Variants in KASH5 observed in about 807,000 individuals in gnomAD.
KASH5 encodes protein KASH5.
A neutral mutation model predicts 84.2 loss-of-function variants in KASH5; 72 were observed. The observed-to-expected ratio is 0.85, with a 90% CI of 0.71 to 1.04. The LOEUF is 1.04. Ranked by LOEUF, KASH5 falls within the 50% of genes least tolerant of loss-of-function variation. The pLI is 0.00. For synonymous variants in KASH5, 260 were observed against 279.1 expected, an observed-to-expected ratio of 0.93 and a Z score of 0.68; for missense variants, 650 against 701.0, an observed-to-expected ratio of 0.93 and a Z score of 0.82.
chr19:49,407,304 GC>G lies in KASH5; in HGVS notation c.933+12del, dbSNP rs1974558166. 1.2e-6 allele frequency: 2 copies of G among 1,613,642 alleles called. No individual in the cohort carries two copies. The highest frequency in any genetic ancestry group is 1.7e-5 in the Admixed American group (1 of 59,966). ...GACACCATCCTCTCTGAGGTAAGGG[GC>G]CCCGGGAGGGAAAGAGATTCGCTTT... On this transcript the variant is annotated intron_variant, in intron 11 of 19. Coordinates refer to ENST00000447857, the MANE Select transcript of KASH5 (RefSeq NM_144688.5).
chr19:49,414,189 G>A lies in KASH5; in HGVS notation c.1329-762G>A, dbSNP rs996258514. On this transcript the variant is annotated intron_variant, in intron 16 of 19. Coordinates refer to ENST00000447857, the MANE Select transcript of KASH5 (RefSeq NM_144688.5). The surrounding 1 kb of genome is among the most constrained non-coding windows in gnomAD (Gnocchi z 4.5). ...CAGATCTCCTCCTAGACCGAGACTC[G>A]CTGAGGGAAGGGTCAGGTCTCATCT... Among the ~76,000 whole-genome samples, 22 of 152,088 alleles carry A rather than the reference G, an allele frequency of 1.4e-4. No homozygotes were observed. The highest frequency in any genetic ancestry group is 4.6e-4 in the African/African-American group (19 of 41,390).
chr19:49,417,465 C>G lies in KASH5; in HGVS notation c.1644C>G (p.Thr548=). 1.3e-6 allele frequency: 2 copies of G among 1,553,614 alleles called. No homozygotes were observed. Among genetic ancestry groups the G allele is most frequent in the Non-Finnish European group, 1.7e-6 (2 of 1,148,790 alleles). ...VLLLGPSPPP[T]WPHLQLCYLQ... is the part of the protein sequence containing the mutation. The stretch of plus-strand genomic sequence containing the variant: ...TGCTTGGCCCGTCCCCACCTCCCAC[C>G]TGGCCCCACCTCCAGCTCTGCTACC... Residue 548 remains threonine (T), a synonymous_variant, in exon 20 of 20, where the codon ACC becomes ACG. Coordinates refer to ENST00000447857, the MANE Select transcript of KASH5 (RefSeq NM_144688.5). The surrounding 1 kb of genome is among the most constrained non-coding windows in gnomAD (Gnocchi z 5.2).
chr19:49,398,922 C>G, intron 7 of KASH5, 103 bp from the exon 8 acceptor site: 1 of 866,826 alleles, frequency 1.2e-6, no homozygotes, highest in South Asian at 1.6e-5. Flanking sequence ...CTGCCTACCA[C>G]CTGGGATCTC....
chr19:49,401,029 C>G (rs1374448225), intron 9 of KASH5, among the ~76,000 whole-genome samples: 1 of 152,212 alleles, frequency 6.6e-6, no homozygotes, highest in Non-Finnish European at 1.5e-5. Context: ...CTCTGCTGTT[C>G]ATGAGATTGA....
intron 12 of KASH5, 132 bp from the exon 13 acceptor site, chr19:49,408,835 C>G (rs1053174939): frequency 2.0e-5 from 16 of 800,504 alleles, no homozygotes; most frequent in Non-Finnish European, 2.6e-5. Flanking sequence ...CCCCTTGTCC[C>G]TAGGCAGTAT....
At chr19:49,394,816 G>A (rs532521463) in intron 3 of KASH5, 43 of 588,218 alleles carry the variant, frequency 7.3e-5, no homozygotes, top group African/African-American at 4.6e-4. Flanking sequence ...TTTTGGGGTC[G>A]TGGGATAGGG....
At position 49,399,591 on chromosome 19, in the gene KASH5, C is replaced by A; in HGVS notation, c.798+84C>A. 6.4e-7 allele frequency: 1 copy of A among 1,552,526 alleles called. No individual in the cohort carries two copies. Among genetic ancestry groups the A allele is most frequent in the South Asian group, 1.2e-5 (1 of 84,198 alleles). ...ACCACTCCCTTCTGCCCCCAACACC[C>A]CAGCAGCCTGTCTTGGGGAGACCTC... On this transcript the variant is annotated intron_variant, in intron 9 of 19. Coordinates refer to ENST00000447857, the MANE Select transcript of KASH5 (RefSeq NM_144688.5). This position sits in a 1 kb window ranked among gnomAD's most constrained non-coding sequence, Gnocchi z 4.4.
At chr19:49,394,446 C>G (rs1356382369) in intron 2 of KASH5, 30 bp from the exon 3 acceptor site, 4 of 1,569,450 alleles carry the variant, frequency 2.5e-6, no homozygotes, top group African/African-American at 1.4e-5. Context: ...ATTCTTCCCA[C>G]TGGTGAGCTG....
intron 5 of KASH5, 68 bp from the exon 6 acceptor site, chr19:49,397,583 G>T: frequency 6.8e-7 from 1 of 1,462,152 alleles, no homozygotes; most frequent in Non-Finnish European, 9.6e-7. Context: ...TCCAACCTCA[G>T]AGCCCTGGGG....
At chr19:49,408,064 T>G (rs935714987) in intron 12 of KASH5, among the ~76,000 whole-genome samples, 1 of 152,122 alleles carries the variant, frequency 6.6e-6, no homozygotes, top group East Asian at 1.9e-4. Context: ...TACAGGTGCA[T>G]GCCAGCATGC....
intron 15 of KASH5, among the ~76,000 whole-genome samples, chr19:49,410,093 G>A (rs1974663089): frequency 6.6e-6 from 1 of 152,234 alleles, no homozygotes; most frequent in Non-Finnish European, 1.5e-5. Context: ...AGACAAAGGT[G>A]AACCAAGCAA....
At chr19:49,391,195 G>A (rs774052158) in intron 2 of KASH5, among the ~76,000 whole-genome samples, 2 of 152,132 alleles carry the variant, frequency 1.3e-5, no homozygotes, top group East Asian at 1.9e-4. Context: ...TTCAGATCGC[G>A]GCCCAGATGG....
In KASH5 at chr19:49,394,850, C is replaced by T. The variant is rs1001073015; in HGVS notation, c.149-256C>T. On this transcript the variant is annotated intron_variant, in intron 3 of 19. Transcript: ENST00000447857. The stretch of plus-strand genomic sequence containing the variant: ...GGGAGGGAGGCAGCCACCATGGTGG[C>T]GTGGGGCATGGCTGATGCTGTCCCT... 1.7e-5 allele frequency: 10 copies of T among 585,722 alleles called. No individual in the cohort carries two copies. The South Asian group carries it at 2.0e-4, about 11-fold the overall frequency. 36.3% of individuals were successfully genotyped at this position (585,722 alleles called of 1,614,324 possible).
chr19:49,394,558 A>C lies in KASH5; in HGVS notation c.126A>C (p.Glu42Asp), dbSNP rs753540489. Residue 42 changes from glutamate to aspartate, a missense_variant, in exon 3 of 20, where the codon GAA becomes GAC. Transcript: ENST00000447857. ...LEEQILNSTF[E>D]ACDPQRTGTV... ...AGCAAATACTCAACTCCACGTTCGA[A>C]GCTTGTGACCCTCAGAGGACAGGTG... The C allele has an allele frequency of 5.6e-6, 9 of 1,613,600 alleles. No homozygotes were observed. The highest frequency in any genetic ancestry group is 1.1e-5 in the South Asian group (1 of 91,066).
Position 49,417,368 on chromosome 19 carries a change from G to C in KASH5, c.1548-1G>C. The C allele has an allele frequency of 1.9e-6, 3 of 1,552,168 alleles. No individual in the cohort carries two copies. Among genetic ancestry groups the C allele is most frequent in the African/African-American group, 2.7e-5 (2 of 73,214 alleles). The stretch of plus-strand genomic sequence containing the variant: ...TAAATGCTCTCCCACCTCCCCACCA[G>C]AGTCACTCGACATCCACTGATCCCA... On this transcript the variant is annotated splice_acceptor_variant, in intron 19 of 19. Transcript: ENST00000447857. LOFTEE classifies it high-confidence loss of function. This position sits in a 1 kb window ranked among gnomAD's most constrained non-coding sequence, Gnocchi z 5.2.
Position 49,408,999 on chromosome 19 carries a change from G to A in KASH5, c.1026G>A (p.Glu342=), listed in dbSNP as rs769847162. Residue 342 remains glutamate (E), a synonymous_variant, in exon 13 of 20, where the codon GAG becomes GAA. Transcript: ENST00000447857. ...ELRLEISRLE[E]QLSQTYEGPD... ...GGCTGGAGATTTCACGCCTGGAGGA[G>A]CAGCTGAGTCAGACCTATGAGGGGC... 2 of 1,593,088 alleles carry A rather than the reference G, an allele frequency of 1.3e-6. No homozygotes were observed. Among genetic ancestry groups the A allele is most frequent in the Non-Finnish European group, 1.7e-6 (2 of 1,169,964 alleles).
chr19:49,398,765 C>G (rs557022699), intron 7 of KASH5, among the ~76,000 whole-genome samples: 2 of 152,262 alleles, frequency 1.3e-5, no homozygotes, highest in South Asian at 4.1e-4. Context: ...ATCGTGGTCT[C>G]CCTGTTCTAG....
chr19:49,403,169 A>ATC (rs1974415965), intron 9 of KASH5, among the ~76,000 whole-genome samples: 1 of 152,218 alleles, frequency 6.6e-6, no homozygotes, highest in Admixed American at 6.5e-5. Context: ...TATCCTGGCT[A>ATC]ACATGGTGAA....
chr19:49,409,236 G>A lies in KASH5; in HGVS notation c.1099G>A (p.Glu367Lys), dbSNP rs766710152. 2.5e-5 allele frequency: 40 copies of A among 1,613,838 alleles called. No individual in the cohort carries two copies. Among genetic ancestry groups the A allele is most frequent in the Non-Finnish European group, 3.1e-5 (36 of 1,179,874 alleles). ...GAQLRRVGWT[E>K]LLPPSLGLEI... ...CCAGCTGAGAAGAGTGGGCTGGACC[G>A]AGCTGCTACCCCCATCGCTGGGCTT... is the stretch of plus-strand genomic sequence containing the variant. The change falls in exon 14 of 20, where the codon GAG (glutamate) becomes AAG (lysine). Residue 367 changes from glutamate to lysine, a missense_variant. Glu to Lys is a moderately conservative substitution (Grantham distance 56, BLOSUM62 1). Transcript: ENST00000447857.
Sources: gnomAD v4.1 joint callset for allele counts (sites outside exome capture counted in the v4.1 genomes callset) on GRCh38, gnomAD v4.1.1 for gene constraint, Gnocchi (gnomAD v3.1) non-coding constraint, MANE v1.5 for transcripts, NCBI Gene and HGNC (gene_info 2026-07-23, HGNC 2026-07-21) for gene names.